The following DYRK3 variants were observed in gnomAD, a reference collection of about 807,000 sequenced individuals.
DYRK3 encodes the protein dual specificity tyrosine phosphorylation regulated kinase 3.
DYRK3 carries 30 observed loss-of-function variants against 40.8 expected under a neutral mutation model. The ratio of observed to expected loss-of-function variants is 0.74; its 90% confidence interval spans 0.55 to 1.00. The LOEUF (loss-of-function observed/expected upper bound fraction) is 1.00, where lower values mean the gene tolerates loss of function less well. Ranked by LOEUF, DYRK3 falls within the 50% of genes least tolerant of loss-of-function variation. The probability of loss-of-function intolerance (pLI) is 0.00; values close to 1 mark genes in which losing one functional copy is unlikely to be tolerated. For synonymous variants in DYRK3, 272 were observed against 260.7 expected, an observed-to-expected ratio of 1.04 and a Z score of -0.42; for missense variants, 699 against 731.5, an observed-to-expected ratio of 0.96 and a Z score of 0.51.
In DYRK3 at chr1:206,654,491, C is replaced by T. The variant is rs1362987388; in HGVS notation, c.*5526C>T. 6.6e-6 allele frequency among the ~76,000 whole-genome samples: 1 copy of T among 152,180 alleles called. No individual in the cohort carries two copies. On this transcript the variant is annotated 3_prime_UTR_variant, in exon 3 of 3. Transcript: ENST00000367109. ...GAGTTCTCTTCTGCCAGGGATTAGC[C>T]TCCTAGTTTTAAATATATTTTTAAT...
intron 2 of DYRK3, among the ~76,000 whole-genome samples, chr1:206,644,447 A>C (rs1671391758): frequency 6.6e-6 from 1 of 152,234 alleles, no homozygotes; most frequent in Non-Finnish European, 1.5e-5. Context: ...GATGAATTAA[A>C]GTTAGGTAGT....
rs183551328 is a variant in DYRK3 at position 206,650,848 on chromosome 1, A to G, written c.*1883A>G. 1.6e-3 allele frequency among the ~76,000 whole-genome samples: 237 copies of G among 152,352 alleles called. 2 individuals are homozygous for G. The highest frequency in any genetic ancestry group is 0.01 in the Middle Eastern group (3 of 294). ...CCACAGTGGCTTTAGTCTCCCAAGT[A>G]CAAGGGCCAGATGGCAGAGAACAGC... On this transcript the variant is annotated 3_prime_UTR_variant, in exon 3 of 3. Transcript: ENST00000367109.
chr1:206,636,974 T>C lies in DYRK3; in HGVS notation c.78-676T>C, dbSNP rs199631466. The C allele has an allele frequency of 3.5e-5, 55 of 1,591,198 alleles. No homozygotes were observed. In the South Asian group the frequency reaches 5.8e-4, roughly 17 times the overall value. ...AAAATGAAGTGGAAAGAGAAGTAAA[T>C]TCAATACATTTTATAATTTAGAGCA... On this transcript the variant is annotated intron_variant, in intron 1 of 2. Transcript: ENST00000367109.
chr1:206,642,332 G>T (rs1553419459), intron 2 of DYRK3, among the ~76,000 whole-genome samples: 5 of 151,270 alleles, frequency 3.3e-5, no homozygotes, highest in Non-Finnish European at 7.3e-5. Flanking sequence ...CTGTTGGTGG[G>T]ACTGTAAACT....
Position 206,635,671 on chromosome 1 carries a change from C to T in DYRK3, c.-33C>T. 8.0e-7 allele frequency: 1 copy of T among 1,245,292 alleles called. No homozygotes were observed. 77.1% of individuals were successfully genotyped at this position (1,245,292 alleles called of 1,614,324 possible). On this transcript the variant is annotated 5_prime_UTR_variant, in exon 1 of 3. Coordinates refer to ENST00000367109, the MANE Select transcript of DYRK3 (RefSeq NM_003582.4). Reference sequence around the variant, plus strand: ...CGTGGCCGACCGGACCCCCAACTGGCGCCTCTCCCCGCGCGGGGTCCCGAG... The same window carrying T: ...CGTGGCCGACCGGACCCCCAACTGGTGCCTCTCCCCGCGCGGGGTCCCGAG...
chr1:206,647,568 T>C lies in DYRK3; in HGVS notation c.370T>C (p.Leu124=). Residue 124 remains leucine, a synonymous_variant, in exon 3 of 3, where the codon TTG becomes CTG. Transcript: ENST00000367109. ...TTCTCAGGGTAAAAGTTCAGATTGC[T>C]TGAATACAGTAAAATCCAACAGTTC... is the stretch of plus-strand genomic sequence containing the variant. The part of the protein sequence containing the change: ...TVSQGKSSDC[L]NTVKSNSSSK... 1.2e-6 allele frequency: 2 copies of C among 1,614,178 alleles called. No individual in the cohort carries two copies. The highest frequency in any genetic ancestry group is 2.2e-5 in the South Asian group (2 of 91,086).
In DYRK3 at chr1:206,647,825, T is replaced by C. The variant is rs782531100; in HGVS notation, c.627T>C (p.Tyr209=). ...HVPRDHLAYR[Y]EVLKIIGKGS... ...CTCGAGACCATCTAGCTTATCGATA[T>C]GAGGTGCTGAAAATTATTGGCAAGG... The change falls in exon 3 of 3, where the codon TAT becomes TAC. Residue 209 remains tyrosine (Y), a synonymous_variant. Coordinates refer to ENST00000367109, the MANE Select transcript of DYRK3 (RefSeq NM_003582.4). The C allele has an allele frequency of 6.2e-7, 1 of 1,614,150 alleles. No homozygotes were observed. The highest frequency in any genetic ancestry group is 8.5e-7 in the Non-Finnish European group (1 of 1,180,030).
At chr1:206,646,449 G>A (rs1671457778) in intron 2 of DYRK3, among the ~76,000 whole-genome samples, 1 of 152,146 alleles carries the variant, frequency 6.6e-6, no homozygotes, top group African/African-American at 2.4e-5. Flanking sequence ...CCTGGTGAAA[G>A]GAGTAGTACT....
At chr1:206,638,874 C>CTTTTT (rs782152819) in intron 2 of DYRK3, among the ~76,000 whole-genome samples, 4 of 130,576 alleles carry the variant, frequency 3.1e-5, no homozygotes, top group Admixed American at 7.8e-5. Flanking sequence ...AACCTTTTTC[C>CTTTTT]TTTTTTTTTT....
chr1:206,636,824 G>A, intron 1 of DYRK3: 1 of 1,227,170 alleles, frequency 8.1e-7, no homozygotes, highest in Non-Finnish European at 1.1e-6. Context: ...ATTATTCAGG[G>A]CCATCTTGTG....
At position 206,652,615 on chromosome 1, in the gene DYRK3, CA is replaced by C. The variant is rs1671660422; in HGVS notation, c.*3652del. ...GTTGGCATACCTGTCTTCTGCAGGC[CA>C]ATTCAAGTTTGAGGAGAGTGGGCTG... is the stretch of plus-strand genomic sequence containing the variant. On this transcript the variant is annotated 3_prime_UTR_variant, in exon 3 of 3. Coordinates refer to ENST00000367109, the MANE Select transcript of DYRK3 (RefSeq NM_003582.4). Among the ~76,000 whole-genome samples the C allele has an allele frequency of 6.6e-6, 1 of 152,094 alleles. No homozygotes were observed. The highest frequency in any genetic ancestry group is 1.5e-5 in the Non-Finnish European group (1 of 68,032).
At chr1:206,638,259 C>T (rs1671173417) in intron 2 of DYRK3, among the ~76,000 whole-genome samples, 1 of 143,216 alleles carries the variant, frequency 7.0e-6, no homozygotes, top group African/African-American at 2.6e-5. Flanking sequence ...TTGGGGACTG[C>T]AGACACTTAG....
At chr1:206,645,959 C>T (rs1174123782) in intron 2 of DYRK3, among the ~76,000 whole-genome samples, 1 of 152,180 alleles carries the variant, frequency 6.6e-6, no homozygotes, top group Non-Finnish European at 1.5e-5. Context: ...AAGCAATTCT[C>T]CTGCCTCAGC....
chr1:206,637,639 C>A lies in DYRK3; in HGVS notation c.78-11C>A, dbSNP rs1553418569. The stretch of plus-strand genomic sequence containing the variant: ...TTCCTGACAGATTTTGTCTGTAATC[C>A]TTTTAACTAGGTTGGGGGATGGTGT... On this transcript the variant is annotated splice_polypyrimidine_tract_variant and intron_variant, in intron 1 of 2. Coordinates refer to ENST00000367109, the MANE Select transcript of DYRK3 (RefSeq NM_003582.4). The A allele has an allele frequency of 6.3e-7, 1 of 1,595,504 alleles. No individual in the cohort carries two copies. Among genetic ancestry groups the A allele is most frequent in the Non-Finnish European group, 8.6e-7 (1 of 1,164,192 alleles).
At position 206,650,303 on chromosome 1, in the gene DYRK3, A is replaced by T. The variant is rs1572453864; in HGVS notation, c.*1338A>T. ...GCTCTTGGCTGGGTATTAGTGGCTC[A>T]TGCCTGTAATCCCAGCACTTTGGGA... On this transcript the variant is annotated 3_prime_UTR_variant, in exon 3 of 3. Coordinates refer to ENST00000367109, the MANE Select transcript of DYRK3 (RefSeq NM_003582.4). 6.6e-6 allele frequency among the ~76,000 whole-genome samples: 1 copy of T among 152,212 alleles called. No individual in the cohort carries two copies. The highest frequency in any genetic ancestry group is 2.4e-5 in the African/African-American group (1 of 41,450).
Position 206,635,593 on chromosome 1 carries a change from A to G in DYRK3, c.-111A>G, listed in dbSNP as rs200433306. 8 of 1,206,568 alleles carry G rather than the reference A, an allele frequency of 6.6e-6. No homozygotes were observed. The highest frequency in any genetic ancestry group is 8.3e-6 in the Non-Finnish European group (8 of 963,438). 74.7% of individuals were successfully genotyped at this position (1,206,568 alleles called of 1,614,324 possible). A position where few individuals can be genotyped will look rare whatever the true frequency, so the allele number is the denominator to read the frequency against. ...TGCGCTGAGCTGCAGTGTCTGGTCGAGAGTACCCGTGGGAGCGTCGCGCCG... is the reference window on the plus strand; with the variant it reads ...TGCGCTGAGCTGCAGTGTCTGGTCGGGAGTACCCGTGGGAGCGTCGCGCCG... On this transcript the variant is annotated 5_prime_UTR_variant, in exon 1 of 3. Coordinates refer to ENST00000367109, the MANE Select transcript of DYRK3 (RefSeq NM_003582.4).
Position 206,650,457 on chromosome 1 carries a change from C to A in DYRK3, c.*1492C>A, listed in dbSNP as rs1412138726. On this transcript the variant is annotated 3_prime_UTR_variant, in exon 3 of 3. Transcript: ENST00000367109. ...TGGCACATGCCTGTAATCCCAGCTA[C>A]TTGGGAGGCTGAGGTGGGAGGATCA... 6.6e-6 allele frequency among the ~76,000 whole-genome samples: 1 copy of A among 151,976 alleles called. No individual in the cohort carries two copies. The highest frequency in any genetic ancestry group is 2.4e-5 in the African/African-American group (1 of 41,354).
At position 206,650,477 on chromosome 1, in the gene DYRK3, G is replaced by A. The variant is rs782801553; in HGVS notation, c.*1512G>A. ...AGCTACTTGGGAGGCTGAGGTGGGA[G>A]GATCACTTGAGCTGAGATCATGCCA... is the stretch of plus-strand genomic sequence containing the variant. On this transcript the variant is annotated 3_prime_UTR_variant, in exon 3 of 3. Coordinates refer to ENST00000367109, the MANE Select transcript of DYRK3 (RefSeq NM_003582.4). Among the ~76,000 whole-genome samples the A allele has an allele frequency of 8.5e-5, 13 of 152,192 alleles. No homozygotes were observed. Among genetic ancestry groups the A allele is most frequent in the African/African-American group, 1.7e-4 (7 of 41,434 alleles).
chr1:206,650,496 C>A lies in DYRK3; in HGVS notation c.*1531C>A, dbSNP rs1671603294. Among the ~76,000 whole-genome samples, 1 of 152,164 alleles carries A rather than the reference C, an allele frequency of 6.6e-6. No individual in the cohort carries two copies. Among genetic ancestry groups the A allele is most frequent in the South Asian group, 2.1e-4 (1 of 4,828 alleles). ...GTGGGAGGATCACTTGAGCTGAGAT[C>A]ATGCCACTGCACTCCAGCCTAGGCA... On this transcript the variant is annotated 3_prime_UTR_variant, in exon 3 of 3. Transcript: ENST00000367109.
Sources: gnomAD v4.1 joint callset for allele counts (sites outside exome capture counted in the v4.1 genomes callset) on GRCh38, gnomAD v4.1.1 for gene constraint, MANE v1.5 for transcripts, NCBI Gene and HGNC (gene_info 2026-07-23, HGNC 2026-07-21) for gene names.